Variants in DIP2A observed in about 807,000 individuals in gnomAD.
The protein encoded by DIP2A is DIP2 acetate--CoA ligase A.
DIP2A carries 85 observed loss-of-function variants against 177.4 expected under a neutral mutation model. The observed-to-expected ratio is 0.48, with a 90% CI of 0.40 to 0.57. The LOEUF (loss-of-function observed/expected upper bound fraction) is 0.57, where lower values mean the gene tolerates loss of function less well. Among genes scored for constraint, DIP2A ranks in the 20% least tolerant of loss-of-function variants. DIP2A has a pLI of 0.00. For missense variants in DIP2A, 1,791 were observed against 2,100.2 expected (o/e 0.85, Z 2.88); for synonymous variants, 886 against 881.8 (o/e 1.00, Z -0.08).
chr21:46,497,325 G>C (rs2148521555), intron 4 of DIP2A, among the ~76,000 whole-genome samples: 1 of 152,196 alleles, frequency 6.6e-6, no homozygotes, highest in East Asian at 1.9e-4. Flanking sequence ...CTTTCTATAA[G>C]ACTTTTTGTG....
At chr21:46,476,017 C>T (rs56220024) in intron 1 of DIP2A, among the ~76,000 whole-genome samples, 7,000 of 150,844 alleles carry the variant, frequency 0.046, 520 homozygotes, top group African/African-American at 0.16. Context: ...GGGTGGATCA[C>T]GAGGTCAGGA....
chr21:46,468,709 A>C (rs1444524023), intron 1 of DIP2A, among the ~76,000 whole-genome samples: 1 of 152,124 alleles, frequency 6.6e-6, no homozygotes, highest in Non-Finnish European at 1.5e-5. Flanking sequence ...TGTTCTTATC[A>C]CAAACAGGAA....
At chr21:46,480,509 CTG>C (rs2056272881) in intron 1 of DIP2A, among the ~76,000 whole-genome samples, 1 of 152,182 alleles carries the variant, frequency 6.6e-6, no homozygotes, top group Non-Finnish European at 1.5e-5. Flanking sequence ...TCCTCCTGCT[CTG>C]TGTCGGCACC....
At chr21:46,559,766 C>T (rs1175974155) in intron 32 of DIP2A, among the ~76,000 whole-genome samples, 1 of 152,196 alleles carries the variant, frequency 6.6e-6, no homozygotes, top group Non-Finnish European at 1.5e-5. Context: ...GTGGCTGCTG[C>T]TTCTGTGTGT....
In DIP2A at chr21:46,537,545, G is replaced by A. The variant is rs375721675; in HGVS notation, c.1801+6G>A. The A allele has an allele frequency of 2.0e-5, 32 of 1,613,800 alleles. 1 individual carries two copies. The Middle Eastern group carries it at 8.2e-4, about 42-fold the overall frequency. The stretch of plus-strand genomic sequence containing the variant: ...GAAAGTGTGCTTCTATAAAGGTAAC[G>A]GATACCATGGTCAGGGCCTTCACCC... On this transcript the variant is annotated splice_donor_region_variant and intron_variant, in intron 15 of 37. Transcript: ENST00000417564. This position sits in a 1 kb window ranked among gnomAD's most constrained non-coding sequence, Gnocchi z 4.1.
chr21:46,511,578 G>A lies in DIP2A; in HGVS notation c.1066G>A (p.Asp356Asn), dbSNP rs2058315714. Residue 356 changes from aspartate (D) to asparagine (N), a missense_variant, in exon 8 of 38, where the codon GAT becomes AAT. By Grantham distance (23) the Asp-to-Asn change is conservative (BLOSUM62 1). Transcript: ENST00000417564. ...QPKSPCLTAL[D>N]TTGKAVYTLT... ...CAAATCCCCCTGTCTGACTGCCTTGGATACAACTGGGAAAGCCGTCTACAC... is the reference window on the plus strand; with the variant it reads ...CAAATCCCCCTGTCTGACTGCCTTGAATACAACTGGGAAAGCCGTCTACAC... 1.3e-6 allele frequency: 2 copies of A among 1,573,744 alleles called. No homozygotes were observed. Among genetic ancestry groups the A allele is most frequent in the African/African-American group, 2.7e-5 (2 of 73,004 alleles).
At chr21:46,549,277 C>T (rs2060179894) in intron 21 of DIP2A, among the ~76,000 whole-genome samples, 1 of 151,916 alleles carries the variant, frequency 6.6e-6, no homozygotes, top group Non-Finnish European at 1.5e-5. Flanking sequence ...AAAGAAAAGA[C>T]AAAGATATCA....
In DIP2A at chr21:46,519,846, T is replaced by C. The variant is rs7277928; in HGVS notation, c.1102+8232T>C. The stretch of plus-strand genomic sequence containing the variant: ...TTCCAGTGTGCCCAGAATTAGAATA[T>C]TGATCTAGATTTTTTTTTTTTTTTT... On this transcript the variant is annotated intron_variant, in intron 8 of 37. Coordinates refer to ENST00000417564, the MANE Select transcript of DIP2A (RefSeq NM_015151.4). 5.8e-3 allele frequency among the ~76,000 whole-genome samples: 849 copies of C among 146,526 alleles called. 11 individuals carry two copies. Among genetic ancestry groups the C allele is most frequent in the African/African-American group, 0.021 (815 of 39,530 alleles).
chr21:46,498,845 G>A lies in DIP2A; in HGVS notation c.655+12G>A, dbSNP rs1313302327. ...CCACACCCACATAGGTCAGTAATAA[G>A]CTGCTGCGGCCCCTGTGCCAGCAGA... On this transcript the variant is annotated intron_variant, in intron 5 of 37. Coordinates refer to ENST00000417564, the MANE Select transcript of DIP2A (RefSeq NM_015151.4). The surrounding 1 kb of genome is among the most constrained non-coding windows in gnomAD (Gnocchi z 4.3). 1.9e-6 allele frequency: 3 copies of A among 1,604,548 alleles called. No homozygotes were observed. The East Asian group carries it at 6.7e-5, about 36-fold the overall frequency.
intron 1 of DIP2A, among the ~76,000 whole-genome samples, chr21:46,467,878 C>T (rs4819255): frequency 0.47 from 70,914 of 151,402 alleles, 16,809 homozygotes; most frequent in Non-Finnish European, 0.51. Flanking sequence ...TTTGGGAGGT[C>T]GAAGAGGATG....
chr21:46,490,008 GCGGCGAGGGCAGCTGGCC>G (rs2056916191), intron 2 of DIP2A, among the ~76,000 whole-genome samples: 2 of 152,182 alleles, frequency 1.3e-5, no homozygotes, highest in African/African-American at 4.8e-5. Context: ...AGTGGGTGGT[GCGGCGAGGGCAGCTGGCC>G]CGGCCTGAGC....
At chr21:46,526,084 A>T (rs2059075398) in intron 8 of DIP2A, among the ~76,000 whole-genome samples, 1 of 150,894 alleles carries the variant, frequency 6.6e-6, no homozygotes, top group Non-Finnish European at 1.5e-5. Flanking sequence ...AATTTTTTTT[A>T]TTTTTAGTAG....
intron 21 of DIP2A, among the ~76,000 whole-genome samples, chr21:46,547,656 CTTTTTTTT>C (rs10672432): frequency 2.6e-5 from 2 of 76,392 alleles, no homozygotes; most frequent in African/African-American, 1.1e-4. Flanking sequence ...AAGGGGGTGC[CTTTTTTTT>C]TTTTTTTTTT....
rs1314351049 is a variant in DIP2A at position 46,459,177 on chromosome 21, G to A, written c.46G>A (p.Glu16Lys). 6.6e-7 allele frequency: 1 copy of A among 1,523,742 alleles called. No homozygotes were observed. The allele number at this position is 1,523,742 out of a possible 1,614,324, so 94.4% of individuals were successfully genotyped here. A position where few individuals can be genotyped will look rare whatever the true frequency, so the allele number is the denominator to read the frequency against. ...GCTGGAGGCGGCGCCGCTGCCTGCC[G>A]AGGTGCGGGAGAGCCTGGCTGAGCT... ...CPLEAAPLPA[E>K]VRESLAELEL... The change falls in exon 1 of 38, where the codon GAG becomes AAG. Residue 16 changes from glutamate (E) to lysine (K), a missense_variant. Glu to Lys is a moderately conservative substitution (Grantham distance 56, BLOSUM62 1). Coordinates refer to ENST00000417564, the MANE Select transcript of DIP2A (RefSeq NM_015151.4).
Position 46,556,554 on chromosome 21 carries a change from G to T in DIP2A, c.3499-385G>T. ...AAAAATTAGCTGGGCATGGTGGCAGGTGCCTCTAATCCCAGATACTCAGGA... is the reference window on the plus strand; with the variant it reads ...AAAAATTAGCTGGGCATGGTGGCAGTTGCCTCTAATCCCAGATACTCAGGA... On this transcript the variant is annotated intron_variant, in intron 29 of 37. Transcript: ENST00000417564. The surrounding 1 kb of genome is among the most constrained non-coding windows in gnomAD (Gnocchi z 4.5). 2.5e-6 allele frequency: 1 copy of T among 404,570 alleles called. No individual in the cohort carries two copies. Among genetic ancestry groups the T allele is most frequent in the Non-Finnish European group, 4.5e-6 (1 of 220,398 alleles). The allele number at this position is 404,570 out of a possible 1,614,324, so 25.1% of individuals were successfully genotyped here. A position where few individuals can be genotyped will look rare whatever the true frequency, so the allele number is the denominator to read the frequency against.
At position 46,541,823 on chromosome 21, in the gene DIP2A, G is replaced by GTTA. The variant is rs1488886957; in HGVS notation, c.2106_2108dup (p.Ile703dup). 6.2e-7 allele frequency: 1 copy of GTTA among 1,613,908 alleles called. No individual in the cohort carries two copies. The highest frequency in any genetic ancestry group is 8.5e-7 in the Non-Finnish European group (1 of 1,179,906). ...GTCGATGAACGGTCTAAGTTATGGT[G>GTTA]TTATCAGAGTGGATACTGAAGAAAA... On this transcript the variant is annotated inframe_insertion, in exon 18 of 38. Transcript: ENST00000417564.
At chr21:46,482,289 G>A (rs1323814142) in intron 1 of DIP2A, among the ~76,000 whole-genome samples, 9 of 152,076 alleles carry the variant, frequency 5.9e-5, no homozygotes, top group Admixed American at 4.6e-4. Flanking sequence ...TTCGGGCAAC[G>A]ATTGACCACA....
chr21:46,539,761 A>T, intron 16 of DIP2A, 116 bp from the exon 17 acceptor site: 1 of 843,230 alleles, frequency 1.2e-6, no homozygotes, highest in Non-Finnish European at 2.1e-6. Flanking sequence ...CCTTCTGCTG[A>T]TGCAGCCCTG....
At chr21:46,546,772 TG>T (rs1239233133) in intron 20 of DIP2A, 142 bp from the exon 21 acceptor site, 1 of 838,106 alleles carries the variant, frequency 1.2e-6, no homozygotes, top group East Asian at 2.8e-5. Flanking sequence ...CGTTGCAGAT[TG>T]GGTCTGTGGG....
Sources: gnomAD v4.1 joint callset for allele counts (sites outside exome capture counted in the v4.1 genomes callset) on GRCh38, gnomAD v4.1.1 for gene constraint, Gnocchi (gnomAD v3.1) non-coding constraint, MANE v1.5 for transcripts, NCBI Gene and HGNC (gene_info 2026-07-23, HGNC 2026-07-21) for gene names.